Variants in SIMC1 observed in about 807,000 individuals in gnomAD.
The protein encoded by SIMC1 is SUMO-interacting motif-containing protein 1.
SIMC1 carries 55 observed loss-of-function variants against 82.3 expected under a neutral mutation model. The ratio of observed to expected loss-of-function variants is 0.67; its 90% CI spans 0.54 to 0.84. SIMC1 has a LOEUF of 0.84. Ranked by LOEUF, SIMC1 falls within the 40% of genes least tolerant of loss-of-function variation. The pLI is 0.00. For missense variants in SIMC1, 915 were observed against 1,107.2 expected (o/e 0.83, Z 2.46); for synonymous variants, 353 against 426.3 (o/e 0.83, Z 2.12).
chr5:176,261,779 A>G (rs1219345811), intron 1 of SIMC1, among the ~76,000 whole-genome samples: 2 of 152,132 alleles, frequency 1.3e-5, no homozygotes, highest in Non-Finnish European at 2.9e-5. Context: ...AGTTTTATGA[A>G]TAAGTAATTT....
At chr5:176,343,534 AG>A (rs1289716690) in intron 9 of SIMC1, among the ~76,000 whole-genome samples, 16 of 152,238 alleles carry the variant, frequency 1.1e-4, no homozygotes, top group Non-Finnish European at 2.1e-4. Flanking sequence ...AAAAGTAGAA[AG>A]AATAGTATAA....
intron 1 of SIMC1, among the ~76,000 whole-genome samples, chr5:176,265,407 A>G (rs1762165775): frequency 6.6e-6 from 1 of 152,268 alleles, no homozygotes; most frequent in South Asian, 2.1e-4. Context: ...GGCAGGCAGC[A>G]TATCCCATTA....
At chr5:176,325,439 A>G (rs1765348664) in intron 7 of SIMC1, among the ~76,000 whole-genome samples, 1 of 151,842 alleles carries the variant, frequency 6.6e-6, no homozygotes, top group Non-Finnish European at 1.5e-5. Context: ...TAATCCCAGC[A>G]CTTTGGGAGA....
intron 1 of SIMC1, among the ~76,000 whole-genome samples, chr5:176,258,559 A>T (rs978115002): frequency 3.3e-5 from 5 of 151,160 alleles, no homozygotes; most frequent in Non-Finnish European, 1.5e-5. Flanking sequence ...GACTCACGAG[A>T]GTTTTTTAAT....
At chr5:176,245,192 G>A (rs1292702914) in intron 1 of SIMC1, among the ~76,000 whole-genome samples, 1 of 152,220 alleles carries the variant, frequency 6.6e-6, no homozygotes, top group African/African-American at 2.4e-5. Flanking sequence ...AGGTTGTGCC[G>A]AGTAGAGTGA....
At chr5:176,255,721 T>TA (rs202176692) in intron 1 of SIMC1, among the ~76,000 whole-genome samples, 62,198 of 130,580 alleles carry the variant, frequency 0.48, 15,365 homozygotes, top group Middle Eastern at 0.58. Context: ...TGAGTACTCC[T>TA]AAAAAAAAAA....
chr5:176,324,798 A>C (rs1444225523), intron 7 of SIMC1, 41 bp downstream of exon 7: 1 of 1,503,296 alleles, frequency 6.7e-7, no homozygotes, highest in Non-Finnish European at 8.9e-7. Context: ...TATTTAAAAA[A>C]AAAACAAAAA....
At chr5:176,298,989 G>A (rs1239801005) in intron 4 of SIMC1, among the ~76,000 whole-genome samples, 1 of 152,214 alleles carries the variant, frequency 6.6e-6, no homozygotes, top group East Asian at 1.9e-4. Context: ...TATTTTAAAT[G>A]CAAATAGATT....
chr5:176,337,100 T>C lies in SIMC1; in HGVS notation c.2367T>C (p.Val789=). 6.2e-7 allele frequency: 1 copy of C among 1,614,038 alleles called. No individual in the cohort carries two copies. Residue 789 remains valine, a synonymous_variant, in exon 9 of 10, where the codon GTT becomes GTC. Coordinates refer to ENST00000429602, the MANE Select transcript of SIMC1 (RefSeq NM_001308195.2). ...AGTGGCAGACTTGGGACGAATTGGT[T>C]GAGCATCTGCAGTTTCTGCTGTCCA... ...KSQWQTWDEL[V]EHLQFLLSSY... is the part of the protein sequence containing the mutation.
At chr5:176,304,675 G>A (rs1159106847) in intron 4 of SIMC1, among the ~76,000 whole-genome samples, 6 of 147,222 alleles carry the variant, frequency 4.1e-5, no homozygotes, top group Admixed American at 2.7e-4. Context: ...GAGCCCCTCT[G>A]CCTGGCTGCC....
chr5:176,275,093 T>G (rs1309708588), intron 1 of SIMC1, among the ~76,000 whole-genome samples: 1 of 151,696 alleles, frequency 6.6e-6, no homozygotes, highest in Non-Finnish European at 1.5e-5. Context: ...TGATATTGAT[T>G]CTTCCTACCC....
intron 4 of SIMC1, among the ~76,000 whole-genome samples, chr5:176,304,785 G>C (rs1010314942): frequency 6.6e-6 from 1 of 151,248 alleles, no homozygotes; most frequent in East Asian, 2.0e-4. Context: ...AGTGAGGAGC[G>C]TCTCTGCCCG....
rs576814205 is a variant in SIMC1, at chr5:176,275,133, G to A, written c.130-14521G>A. Among the ~76,000 whole-genome samples the A allele has an allele frequency of 1.3e-3, 196 of 151,454 alleles. 3 individuals are homozygous for A. Among genetic ancestry groups the A allele is most frequent in the African/African-American group, 4.6e-3 (190 of 41,396 alleles). Reference sequence around the variant, plus strand: ...GCATGGAATGTTCTTCCATTTGTTTGTATCCTCTTTTATTTCCTTGAGCAG... The same window carrying A: ...GCATGGAATGTTCTTCCATTTGTTTATATCCTCTTTTATTTCCTTGAGCAG... On this transcript the variant is annotated intron_variant, in intron 1 of 9. Coordinates refer to ENST00000429602, the MANE Select transcript of SIMC1 (RefSeq NM_001308195.2).
intron 4 of SIMC1, among the ~76,000 whole-genome samples, chr5:176,307,781 A>G (rs768328389): frequency 6.6e-6 from 1 of 152,250 alleles, no homozygotes; most frequent in Non-Finnish European, 1.5e-5. Context: ...CATAAGTCTC[A>G]TAAATTGCTG....
At chr5:176,262,281 A>T (rs1275260563) in intron 1 of SIMC1, among the ~76,000 whole-genome samples, 2 of 10,606 alleles carry the variant, frequency 1.9e-4, no homozygotes, top group African/African-American at 7.0e-4. Flanking sequence ...TCATGATTTA[A>T]AAAAAAAAAA....
chr5:176,281,441 C>T (rs1390199147), intron 1 of SIMC1, among the ~76,000 whole-genome samples: 2 of 152,332 alleles, frequency 1.3e-5, no homozygotes, highest in South Asian at 2.1e-4. Context: ...CAAAGTCATT[C>T]TCCGTCCAGC....
At chr5:176,242,076 C>T (rs1454936816) in intron 1 of SIMC1, among the ~76,000 whole-genome samples, 1 of 152,142 alleles carries the variant, frequency 6.6e-6, no homozygotes, top group Non-Finnish European at 1.5e-5. Flanking sequence ...GGAGAGAACA[C>T]TTGTTACCGT....
Position 176,304,705 on chromosome 5 carries a change from C to T in SIMC1, c.1734+8385C>T, listed in dbSNP as rs1292990080. On this transcript the variant is annotated intron_variant, in intron 4 of 9. Coordinates refer to ENST00000429602, the MANE Select transcript of SIMC1 (RefSeq NM_001308195.2). ...GCTGCCCAGTCTGGAAAGTGAGGAG[C>T]GTCTCCGCCCGGCCGCCATCCCATC... is the stretch of plus-strand genomic sequence containing the variant. Among the ~76,000 whole-genome samples the T allele has an allele frequency of 4.1e-3, 609 of 147,744 alleles. 4 individuals carry two copies. Among genetic ancestry groups the T allele is most frequent in the African/African-American group, 0.014 (570 of 39,888 alleles).
chr5:176,247,680 C>G (rs563909158), intron 1 of SIMC1, among the ~76,000 whole-genome samples: 3 of 152,052 alleles, frequency 2.0e-5, no homozygotes, highest in Non-Finnish European at 4.4e-5. Context: ...GAAGTCTTTG[C>G]CCATGCCTAT....
Sources: gnomAD v4.1 joint callset for allele counts (sites outside exome capture counted in the v4.1 genomes callset) on GRCh38, gnomAD v4.1.1 for gene constraint, MANE v1.5 for transcripts, NCBI Gene and HGNC (gene_info 2026-07-23, HGNC 2026-07-21) for gene names.